The following TRMT44 variants were observed in gnomAD, a reference collection of about 807,000 sequenced individuals.
The protein encoded by TRMT44 is probable tRNA (uracil-O(2)-)-methyltransferase.
A neutral mutation model predicts 77.3 loss-of-function variants in TRMT44; 78 were observed. The ratio of observed to expected loss-of-function variants is 1.01; its 90% confidence interval spans 0.84 to 1.22. The LOEUF (loss-of-function observed/expected upper bound fraction) is 1.22, where lower values mean the gene tolerates loss of function less well. Ranked by LOEUF, TRMT44 falls within the 50% of genes most tolerant of loss-of-function variation. TRMT44 has a pLI of 0.00. For missense variants in TRMT44, 1,090 were observed against 964.4 expected, an observed-to-expected ratio of 1.13 and a Z score of -1.73; for synonymous variants, 391 against 383.3, an observed-to-expected ratio of 1.02 and a Z score of -0.23.
downstream of TRMT44, among the ~76,000 whole-genome samples, chr4:8,480,182 G>A (rs1430042744): frequency 6.6e-6 from 1 of 152,216 alleles, no homozygotes; most frequent in African/African-American, 2.4e-5. Flanking sequence ...CATCTGAAGA[G>A]CATAAGGCGG....
chr4:8,503,480 C>G, the TRMT44 span, among the ~76,000 whole-genome samples: 1 of 152,222 alleles, frequency 6.6e-6, no homozygotes, highest in South Asian at 2.1e-4. Flanking sequence ...GCAAGGGACA[C>G]AGCACTCGGT....
In TRMT44 at chr4:8,461,988, T is replaced by A. The variant is rs193180234; in HGVS notation, c.1204-1997T>A. On this transcript the variant is annotated intron_variant, in intron 6 of 10. Coordinates refer to ENST00000389737, the MANE Select transcript of TRMT44 (RefSeq NM_152544.3). The surrounding 1 kb of genome is among the most constrained non-coding windows in gnomAD (Gnocchi z 4.6). Reference sequence around the variant, plus strand: ...CCTCATTTGATTGCAAGCAAGAGAGTGTTAAAAAACTAAAAACAAAACACC... The same window carrying A: ...CCTCATTTGATTGCAAGCAAGAGAGAGTTAAAAAACTAAAAACAAAACACC... Among the ~76,000 whole-genome samples the A allele has an allele frequency of 3.9e-5, 6 of 152,236 alleles. No homozygotes were observed. The highest frequency in any genetic ancestry group is 1.4e-4 in the African/African-American group (6 of 41,518).
Position 8,441,401 on chromosome 4 carries a change from T to A in TRMT44, c.579T>A (p.His193Gln). 6.5e-7 allele frequency: 1 copy of A among 1,527,990 alleles called. No homozygotes were observed. Among genetic ancestry groups the A allele is most frequent in the Non-Finnish European group, 8.8e-7 (1 of 1,140,662 alleles). The allele number at this position is 1,527,990 out of a possible 1,614,324, so 94.7% of individuals were successfully genotyped here. The change falls in exon 1 of 11, where the codon CAT (histidine) becomes CAA (glutamine). Residue 193 changes from histidine to glutamine, a missense_variant. By Grantham distance (24) the His-to-Gln change is conservative. Transcript: ENST00000389737. ...CCGTCATCCCGAAAACTAGCCCACA[T>A]TGCCCCCTTACAACTCCCAGGAGGG... ...LRTVIPKTSP[H>Q]CPLTTPRREI...
rs771590992 is a variant in TRMT44 at position 8,441,308 on chromosome 4, C to G, written c.486C>G (p.Ala162=). 3.9e-6 allele frequency: 6 copies of G among 1,535,580 alleles called. No individual in the cohort carries two copies. Reference sequence around the variant, plus strand: ...CCCGTGGCAATTCGGAGTTGCTGGCCTTCCTCACCAGCTCCGGGGCGGGAT... The same window carrying G: ...CCCGTGGCAATTCGGAGTTGCTGGCGTTCCTCACCAGCTCCGGGGCGGGAT... ...SLARGNSELL[A]FLTSSGAGSQ... is the part of the protein sequence containing the mutation. Residue 162 remains alanine, a synonymous_variant, in exon 1 of 11, where the codon GCC becomes GCG. Transcript: ENST00000389737.
chr4:8,491,128 C>T (rs1442008266), intron 2 of TRMT44, among the ~76,000 whole-genome samples: 1 of 151,732 alleles, frequency 6.6e-6, no homozygotes, highest in Non-Finnish European at 1.5e-5. Context: ...CCCACCAGAG[C>T]AGCTAGATAC....
intron 2 of TRMT44, among the ~76,000 whole-genome samples, chr4:8,489,963 C>G (rs1727944548): frequency 6.6e-6 from 1 of 152,170 alleles, no homozygotes; most frequent in South Asian, 2.1e-4. Context: ...AATAGCATCA[C>G]TATTGTAGAA....
the TRMT44 span, among the ~76,000 whole-genome samples, chr4:8,500,007 T>C: frequency 1.3e-5 from 2 of 152,220 alleles, no homozygotes; most frequent in African/African-American, 2.4e-5. Flanking sequence ...GGCAGGACGA[T>C]TGCTTGAGTT....
rs1725090451 is a variant in TRMT44, at chr4:8,446,828, T to A, written c.734+238T>A. The stretch of plus-strand genomic sequence containing the variant: ...TTCTGATCTCTACCTTCCCTGTGGC[T>A]GTGATGATCAGCAGCCCTTAGCATT... On this transcript the variant is annotated intron_variant, in intron 2 of 10. Coordinates refer to ENST00000389737, the MANE Select transcript of TRMT44 (RefSeq NM_152544.3). The surrounding 1 kb of genome is among the most constrained non-coding windows in gnomAD (Gnocchi z 4.3). 6.6e-6 allele frequency among the ~76,000 whole-genome samples: 1 copy of A among 152,206 alleles called. No homozygotes were observed. Among genetic ancestry groups the A allele is most frequent in the Non-Finnish European group, 1.5e-5 (1 of 68,028 alleles).
chr4:8,464,066 C>G lies in TRMT44; in HGVS notation c.1285C>G (p.Pro429Ala). ...CGGTAACCATTCTGATGAACTCACA[C>G]CATGGATACCTGTCATTGCAGCCAG... is the stretch of plus-strand genomic sequence containing the variant. Reference protein sequence around the residue: ...LIGNHSDELTPWIPVIAARSS... With the variant: ...LIGNHSDELTAWIPVIAARSS... The change falls in exon 7 of 11, where the codon CCA becomes GCA. Residue 429 changes from proline to alanine, a missense_variant. Physicochemically the swap from Pro to Ala is conservative, Grantham distance 27. Transcript: ENST00000389737. 6.2e-7 allele frequency: 1 copy of G among 1,613,910 alleles called. No individual in the cohort carries two copies. Among genetic ancestry groups the G allele is most frequent in the Non-Finnish European group, 8.5e-7 (1 of 1,179,894 alleles).
At chr4:8,500,455 C>G in the TRMT44 span, among the ~76,000 whole-genome samples, 2 of 150,716 alleles carry the variant, frequency 1.3e-5, no homozygotes, top group Non-Finnish European at 3.0e-5. Context: ...AAGATAATGC[C>G]ACTGCACTCC....
In TRMT44 at chr4:8,487,022, G is replaced by A. The variant is rs184575045; in HGVS notation, n.3892-6244G>A. Among the ~76,000 whole-genome samples, 730 of 152,258 alleles carry A rather than the reference G, an allele frequency of 4.8e-3. 7 individuals carry two copies. The highest frequency in any genetic ancestry group is 0.035 in the South Asian group (167 of 4,830). On this transcript the variant is annotated intron_variant and non_coding_transcript_variant, in intron 2 of 2. Coordinates refer to the TRMT44 transcript ENST00000511366. ...GAGGGAAAGAAGGAAGGTTTGGGAC[G>A]AGTTGCACTGGGCACAGAGACTAGG... is the stretch of plus-strand genomic sequence containing the variant.
chr4:8,506,988 TC>T, the TRMT44 span: 1 of 152,612 alleles, frequency 6.6e-6, no homozygotes, highest in South Asian at 2.1e-4. Context: ...GGATGGAGCT[TC>T]CCCACTGGAA....
At chr4:8,488,483 GC>G (rs1223215365) in intron 2 of TRMT44, among the ~76,000 whole-genome samples, 3 of 152,226 alleles carry the variant, frequency 2.0e-5, no homozygotes, top group Admixed American at 2.0e-4. Context: ...CCGTGGGGAA[GC>G]TTTTTGCCTC....
intron 6 of TRMT44, among the ~76,000 whole-genome samples, chr4:8,458,601 C>T (rs1725960939): frequency 6.6e-6 from 1 of 151,306 alleles, no homozygotes; most frequent in East Asian, 2.0e-4. Flanking sequence ...ATTACAGGTG[C>T]CCACCATCAT....
At chr4:8,479,226 A>G (rs1727535711), downstream of TRMT44, 2 of 150,034 alleles carry the variant, frequency 1.3e-5, no homozygotes, top group Non-Finnish European at 3.0e-5. Flanking sequence ...CCCCCAGCTC[A>G]TTTCTGCTTG....
intron 2 of TRMT44, among the ~76,000 whole-genome samples, chr4:8,481,952 T>C (rs1400017746): frequency 6.6e-6 from 1 of 152,240 alleles, no homozygotes; most frequent in Non-Finnish European, 1.5e-5. Context: ...TTTTTCATCA[T>C]AGATTTGCCT....
In TRMT44 at chr4:8,476,274, C is replaced by G; in HGVS notation, c.*273C>G. Reference sequence around the variant, plus strand: ...ATCTTCATATCATAAAGATTGTGCACGGATCCTTACAATGTCTCCTGGGGG... The same window carrying G: ...ATCTTCATATCATAAAGATTGTGCAGGGATCCTTACAATGTCTCCTGGGGG... On this transcript the variant is annotated 3_prime_UTR_variant, in exon 11 of 11. Transcript: ENST00000389737. 1 of 503,708 alleles carries G rather than the reference C, an allele frequency of 2.0e-6. No individual in the cohort carries two copies. Among genetic ancestry groups the G allele is most frequent in the Non-Finnish European group, 3.6e-6 (1 of 278,968 alleles). 31.2% of individuals were successfully genotyped at this position (503,708 alleles called of 1,614,324 possible).
chr4:8,501,018 G>A, the TRMT44 span, among the ~76,000 whole-genome samples: 1 of 152,202 alleles, frequency 6.6e-6, no homozygotes, highest in Admixed American at 6.5e-5. The surrounding 1 kb of genome is among the most constrained non-coding windows in gnomAD (Gnocchi z 4.4). Flanking sequence ...GTGTGGGGGT[G>A]AGAACGCTTG....
chr4:8,446,365 T>A lies in TRMT44; in HGVS notation c.620-111T>A, dbSNP rs1725057304. On this transcript the variant is annotated intron_variant, in intron 1 of 10. Transcript: ENST00000389737. This position sits in a 1 kb window ranked among gnomAD's most constrained non-coding sequence, Gnocchi z 4.3. ...TCCTGGAGTGCCATTGTGAATAGAG[T>A]GCTGGGGGATTGAAAGCATCGTGCT... 1 of 684,850 alleles carries A rather than the reference T, an allele frequency of 1.5e-6. No individual in the cohort carries two copies. The highest frequency in any genetic ancestry group is 2.5e-6 in the Non-Finnish European group (1 of 398,916). The allele number at this position is 684,850 out of a possible 1,614,324, so 42.4% of individuals were successfully genotyped here. A position where few individuals can be genotyped will look rare whatever the true frequency, so the allele number is the denominator to read the frequency against.
Sources: allele counts gnomAD v4.1 joint callset (sites outside exome capture counted in the v4.1 genomes callset), GRCh38; gene constraint gnomAD v4.1.1; non-coding constraint Gnocchi (gnomAD v3.1); transcripts MANE v1.5; gene names NCBI Gene and HGNC (gene_info 2026-07-23, HGNC 2026-07-21).